Variants in CTNND2 observed in about 807,000 individuals in gnomAD.
CTNND2 encodes the protein catenin delta-2.
CTNND2 carries 22 observed loss-of-function variants against 144.4 expected under a neutral mutation model. The ratio of observed to expected loss-of-function variants is 0.15; its 90% CI spans 0.11 to 0.22. The LOEUF is 0.22. Among genes scored for constraint, CTNND2 ranks in the 10% least tolerant of loss-of-function variants. The pLI is 1.00. For missense variants in CTNND2, 1,353 were observed against 1,618.8 expected (o/e 0.84, Z 2.82); for synonymous variants, 751 against 695.6 (o/e 1.08, Z -1.25).
At chr5:11,222,118 T>C (rs1739860561) in intron 10 of CTNND2, among the ~76,000 whole-genome samples, 1 of 152,172 alleles carries the variant, frequency 6.6e-6, no homozygotes, top group Non-Finnish European at 1.5e-5. Flanking sequence ...AGGTCATCTG[T>C]TTCTTCTGCT....
At chr5:11,260,239 T>C (rs943990832) in intron 9 of CTNND2, among the ~76,000 whole-genome samples, 1 of 152,190 alleles carries the variant, frequency 6.6e-6, no homozygotes, top group African/African-American at 2.4e-5. Context: ...AGAGGATAAA[T>C]GGACAGAATG....
intron 3 of CTNND2, among the ~76,000 whole-genome samples, chr5:11,519,104 G>A (rs183083632): frequency 6.6e-6 from 1 of 152,128 alleles, no homozygotes; most frequent in East Asian, 1.9e-4. Context: ...TTGCATGGAT[G>A]AAGTTAATGG....
Position 11,587,083 on chromosome 5 carries a change from T to C in CTNND2, c.175-22027A>G, listed in dbSNP as rs927763739. On this transcript the variant is annotated intron_variant, in intron 2 of 21. Coordinates refer to ENST00000304623, the MANE Select transcript of CTNND2 (RefSeq NM_001332.4). ...GATCACATACATATACTGTGTCCTA[T>C]AGTTTGAAGACTTAGTGTCACGTAA... is the stretch of plus-strand genomic sequence containing the variant. Among the ~76,000 whole-genome samples the C allele has an allele frequency of 2.0e-5, 3 of 152,166 alleles. No individual in the cohort carries two copies. In the East Asian group the frequency reaches 5.8e-4, roughly 29 times the overall value.
intron 16 of CTNND2, among the ~76,000 whole-genome samples, chr5:11,056,813 T>C (rs6894869): frequency 0.042 from 6,384 of 152,288 alleles, 482 homozygotes; most frequent in African/African-American, 0.15. Flanking sequence ...AATGCAGATA[T>C]GTGATGCTCA....
chr5:11,230,182 A>G (rs1046515405), intron 10 of CTNND2, among the ~76,000 whole-genome samples: 5 of 128,394 alleles, frequency 3.9e-5, no homozygotes, highest in African/African-American at 1.5e-4. Flanking sequence ...TCACATGGAC[A>G]CAGGAAGGGG....
At chr5:11,875,339 T>C (rs796662987) in intron 1 of CTNND2, among the ~76,000 whole-genome samples, 7 of 152,342 alleles carry the variant, frequency 4.6e-5, no homozygotes, top group African/African-American at 1.7e-4. Flanking sequence ...CTGCTATTTA[T>C]GGTTGCTTCT....
At chr5:11,691,661 T>C (rs1185735591) in intron 2 of CTNND2, among the ~76,000 whole-genome samples, 1 of 152,154 alleles carries the variant, frequency 6.6e-6, no homozygotes, top group East Asian at 1.9e-4. Context: ...CTCTGTTACT[T>C]TGGGAGGCTG....
chr5:11,257,559 A>G (rs1025124886), intron 9 of CTNND2, among the ~76,000 whole-genome samples: 6 of 152,144 alleles, frequency 3.9e-5, no homozygotes, highest in African/African-American at 1.4e-4. Context: ...CGCTTATAAA[A>G]CCATCAGATC....
chr5:11,525,902 G>A (rs1773199571), intron 3 of CTNND2, among the ~76,000 whole-genome samples: 1 of 152,088 alleles, frequency 6.6e-6, no homozygotes, highest in Non-Finnish European at 1.5e-5. Flanking sequence ...TATCTTACTT[G>A]TTTTTTTGTT....
intron 1 of CTNND2, among the ~76,000 whole-genome samples, chr5:11,880,948 AC>A (rs1560962864): frequency 2.0e-4 from 29 of 147,678 alleles, no homozygotes; most frequent in Non-Finnish European, 3.0e-4. Flanking sequence ...TACTAATACT[AC>A]TACTACTACC....
At chr5:11,589,912 T>C (rs751993031) in intron 2 of CTNND2, among the ~76,000 whole-genome samples, 1 of 152,152 alleles carries the variant, frequency 6.6e-6, no homozygotes, top group Non-Finnish European at 1.5e-5. Context: ...TAAAACAATA[T>C]ACAAATGTAA....
chr5:10,992,885 G>T (rs1738862371), intron 18 of CTNND2, among the ~76,000 whole-genome samples: 1 of 152,168 alleles, frequency 6.6e-6, no homozygotes, highest in African/African-American at 2.4e-5. Context: ...CTGGCGGGTA[G>T]GGCCTGCTTT....
chr5:11,142,718 A>G (rs1364948134), intron 12 of CTNND2, among the ~76,000 whole-genome samples: 1 of 146,492 alleles, frequency 6.8e-6, no homozygotes. Flanking sequence ...GGTTCACGCC[A>G]TTCTCCTGCC....
chr5:11,323,677 T>C (rs1359189931), intron 9 of CTNND2, among the ~76,000 whole-genome samples: 1 of 152,138 alleles, frequency 6.6e-6, no homozygotes, highest in Non-Finnish European at 1.5e-5. Context: ...CTGAAACAAA[T>C]ATTAAGTTGA....
chr5:11,245,892 C>T (rs1006475541), intron 9 of CTNND2, among the ~76,000 whole-genome samples: 6 of 152,110 alleles, frequency 3.9e-5, no homozygotes, highest in South Asian at 4.1e-4. Flanking sequence ...ATTATGAGGC[C>T]GACTCTTCCA....
At chr5:11,818,679 T>C (rs1793148398) in intron 1 of CTNND2, among the ~76,000 whole-genome samples, 1 of 152,166 alleles carries the variant, frequency 6.6e-6, no homozygotes, top group Non-Finnish European at 1.5e-5. Flanking sequence ...TGTATGTGCA[T>C]TCTTAACCGA....
intron 2 of CTNND2, among the ~76,000 whole-genome samples, chr5:11,724,887 T>C (rs746742190): frequency 6.6e-6 from 1 of 151,652 alleles, no homozygotes; most frequent in Non-Finnish European, 1.5e-5. Context: ...TCTCCCTAGA[T>C]GTTGAAGATT....
intron 3 of CTNND2, among the ~76,000 whole-genome samples, chr5:11,538,447 T>G (rs931318075): frequency 2.0e-5 from 3 of 152,208 alleles, no homozygotes; most frequent in Non-Finnish European, 4.4e-5. Flanking sequence ...GTGACCACTA[T>G]GTATGCTTAG....
intron 2 of CTNND2, among the ~76,000 whole-genome samples, chr5:11,727,996 T>A (rs970095701): frequency 2.0e-5 from 3 of 152,234 alleles, no homozygotes; most frequent in African/African-American, 7.2e-5. Context: ...AGAGTTAAGT[T>A]ACTTTTGAAA....
Sources: allele counts gnomAD v4.1 joint callset (sites outside exome capture counted in the v4.1 genomes callset), GRCh38; gene constraint gnomAD v4.1.1; transcripts MANE v1.5; gene names NCBI Gene and HGNC (gene_info 2026-07-23, HGNC 2026-07-21).